MYOM1: variants seen among roughly 807,000 people sequenced by gnomAD.
MYOM1 encodes myomesin 1, also known as myomesin-1.
MYOM1 carries 164 observed loss-of-function variants against 205.3 expected under a neutral mutation model. That is an observed-to-expected ratio of 0.80 (90% CI 0.70 to 0.91). The LOEUF is 0.91. MYOM1 is among the 40% of genes least tolerant of loss of function. The probability of loss-of-function intolerance (pLI) is 0.00; values close to 1 mark genes in which losing one functional copy is unlikely to be tolerated. For missense variants in MYOM1, 2,011 were observed against 2,127.3 expected, an observed-to-expected ratio of 0.95 and a Z score of 1.08; for synonymous variants, 772 against 789.4, an observed-to-expected ratio of 0.98 and a Z score of 0.37.
At chr18:3,130,230 A>G (rs1033585725) in intron 17 of MYOM1, among the ~76,000 whole-genome samples, 3 of 151,852 alleles carry the variant, frequency 2.0e-5, no homozygotes, top group Non-Finnish European at 4.4e-5. Flanking sequence ...TTCAGTAGAG[A>G]CAGGGTTTAG....
Position 3,100,220 on chromosome 18 carries a change from A to G in MYOM1, c.3683-17T>C. The G allele has an allele frequency of 6.2e-7, 1 of 1,613,994 alleles. No individual in the cohort carries two copies. Among genetic ancestry groups the G allele is most frequent in the South Asian group, 1.1e-5 (1 of 91,082 alleles). On this transcript the variant is annotated splice_polypyrimidine_tract_variant and intron_variant, in intron 24 of 37. Coordinates refer to ENST00000356443, the MANE Select transcript of MYOM1 (RefSeq NM_003803.4). Reference sequence around the variant, plus strand: ...GTTTCAATTCTGTAGGGGGAAAAAGAAGGCAGTTAAACCTTAAACTACTAA... The same window carrying G: ...GTTTCAATTCTGTAGGGGGAAAAAGGAGGCAGTTAAACCTTAAACTACTAA...
At chr18:3,096,561 C>T (rs886282392) in intron 25 of MYOM1, among the ~76,000 whole-genome samples, 3 of 151,950 alleles carry the variant, frequency 2.0e-5, no homozygotes, top group Admixed American at 6.6e-5. Flanking sequence ...GTACCTTAGC[C>T]TCCAGAGTAG....
chr18:3,093,439 A>G (rs1358342048), intron 26 of MYOM1: 4 of 152,346 alleles, frequency 2.6e-5, no homozygotes, highest in Non-Finnish European at 5.9e-5. Flanking sequence ...GTTAAAAGGA[A>G]AGGAAAGAGT....
chr18:3,134,033 T>C (rs980882880), intron 16 of MYOM1, among the ~76,000 whole-genome samples: 2 of 152,106 alleles, frequency 1.3e-5, no homozygotes, highest in Non-Finnish European at 2.9e-5. Flanking sequence ...CTGATTTTTG[T>C]ATTTTTTGTA....
At chr18:3,202,901 C>A (rs183781646) in intron 2 of MYOM1, among the ~76,000 whole-genome samples, 1 of 151,904 alleles carries the variant, frequency 6.6e-6, no homozygotes, top group Admixed American at 6.6e-5. Context: ...TGGTAGTCCA[C>A]AAAACAATCT....
chr18:3,107,453 G>A (rs2079466942), intron 22 of MYOM1, among the ~76,000 whole-genome samples: 1 of 152,156 alleles, frequency 6.6e-6, no homozygotes, highest in Non-Finnish European at 1.5e-5. Context: ...AGGATTATTT[G>A]ATTGGATATT....
intron 19 of MYOM1, among the ~76,000 whole-genome samples, chr18:3,121,528 T>A (rs951206332): frequency 2.6e-5 from 4 of 152,308 alleles, no homozygotes; most frequent in Admixed American, 2.6e-4. Flanking sequence ...AATATATTGG[T>A]AAGTTGAATC....
At chr18:3,070,184 T>C (rs903873755) in intron 37 of MYOM1, among the ~76,000 whole-genome samples, 3 of 152,244 alleles carry the variant, frequency 2.0e-5, no homozygotes, top group Non-Finnish European at 4.4e-5. Flanking sequence ...TCTCACTGTG[T>C]TGTCCAGGCT....
intron 2 of MYOM1, among the ~76,000 whole-genome samples, chr18:3,196,245 C>G (rs950941979): frequency 2.6e-5 from 4 of 152,174 alleles, no homozygotes; most frequent in Non-Finnish European, 4.4e-5. Context: ...CATCCATAGT[C>G]TATTTTGTCA....
At chr18:3,162,987 CTG>C (rs1184343730) in intron 10 of MYOM1, among the ~76,000 whole-genome samples, 1 of 71,746 alleles carries the variant, frequency 1.4e-5, no homozygotes, top group Non-Finnish European at 3.2e-5. Flanking sequence ...GATCAAGCCA[CTG>C]CACTGCACTC....
chr18:3,119,724 A>AAATATTTTAATGAT, intron 20 of MYOM1, 145 bp downstream of exon 20: 2 of 1,024,834 alleles, frequency 2.0e-6, no homozygotes, highest in Non-Finnish European at 1.4e-6. Flanking sequence ...ATTATCATTA[A>AAATATTTTAATGAT]AATATTTTAG....
intron 2 of MYOM1, among the ~76,000 whole-genome samples, chr18:3,204,956 T>C (rs9953958): frequency 0.043 from 6,611 of 152,098 alleles, 439 homozygotes; most frequent in African/African-American, 0.14. Context: ...AGAAATTTAA[T>C]GGGGGAAGGG....
intron 16 of MYOM1, among the ~76,000 whole-genome samples, chr18:3,134,134 C>G (rs1388442135): frequency 1.3e-5 from 2 of 152,014 alleles, no homozygotes; most frequent in Non-Finnish European, 2.9e-5. Flanking sequence ...ATCCGCCCAC[C>G]TTGGCCTCCC....
chr18:3,150,956 C>T (rs1341746652), intron 12 of MYOM1, among the ~76,000 whole-genome samples: 5 of 146,868 alleles, frequency 3.4e-5, no homozygotes, highest in Non-Finnish European at 6.0e-5. Context: ...CTGGGACTTA[C>T]AGCTGTGTGC....
chr18:3,084,064 A>T, intron 31 of MYOM1, 37 bp from the exon 32 acceptor site: 1 of 1,556,992 alleles, frequency 6.4e-7, no homozygotes, highest in South Asian at 1.2e-5. Flanking sequence ...CTTTAGCATA[A>T]AAATTCTCAA....
At position 3,214,954 on chromosome 18, in the gene MYOM1, G is replaced by A; in HGVS notation, c.270C>T (p.Tyr90=). The A allele has an allele frequency of 1.9e-6, 3 of 1,605,312 alleles. No individual in the cohort carries two copies. The highest frequency in any genetic ancestry group is 2.6e-6 in the Non-Finnish European group (3 of 1,174,556). Reference sequence around the variant, plus strand: ...CATACCCATGGGAGGAGCCATAATCGTAGGCTGAGGCTGCCTTCCGACTGA... The same window carrying A: ...CATACCCATGGGAGGAGCCATAATCATAGGCTGAGGCTGCCTTCCGACTGA... The part of the protein sequence containing the change: ...SEVSRKAASA[Y]DYGSSHGLTD... The change falls in exon 2 of 38, where the codon TAC becomes TAT. Residue 90 remains tyrosine, a synonymous_variant. Transcript: ENST00000356443.
In MYOM1 at chr18:3,084,124, T is replaced by C. The variant is rs79966300; in HGVS notation, c.4340-97A>G. 1,183 of 1,270,046 alleles carry C rather than the reference T, an allele frequency of 9.3e-4. 22 individuals carry two copies. In the East Asian group the frequency reaches 0.026, roughly 28 times the overall value. The allele number at this position is 1,270,046 out of a possible 1,614,324, so 78.7% of individuals were successfully genotyped here. A position where few individuals can be genotyped will look rare whatever the true frequency, so the allele number is the denominator to read the frequency against. On this transcript the variant is annotated intron_variant, in intron 31 of 37. Transcript: ENST00000356443. ...AGCTCTCAAAAATTCCCTTTCTGGT[T>C]GAAAGGAAATGGAAACAAGGTGAAT...
chr18:3,100,430 C>G lies in MYOM1; in HGVS notation c.3576-4G>C, dbSNP rs779873801. On this transcript the variant is annotated splice_polypyrimidine_tract_variant and splice_region_variant and intron_variant, in intron 23 of 37. Transcript: ENST00000356443. ...GTCTTTGAAGGTCATTTTCGTCCTT[C>G]GGAACAAAATATTTTTCTTAGAAAT... 6.2e-7 allele frequency: 1 copy of G among 1,608,526 alleles called. No individual in the cohort carries two copies. The highest frequency in any genetic ancestry group is 8.5e-7 in the Non-Finnish European group (1 of 1,175,680).
intron 36 of MYOM1, 75 bp downstream of exon 36, chr18:3,075,379 A>G: frequency 7.0e-7 from 1 of 1,420,890 alleles, no homozygotes; most frequent in Non-Finnish European, 9.8e-7. Flanking sequence ...ATCTGTAGTT[A>G]TAATAGCAAA....
Sources: gnomAD v4.1 joint callset for allele counts (sites outside exome capture counted in the v4.1 genomes callset) on GRCh38, gnomAD v4.1.1 for gene constraint, MANE v1.5 for transcripts, NCBI Gene and HGNC (gene_info 2026-07-23, HGNC 2026-07-21) for gene names.